The following PPFIA2 variants were observed in gnomAD, a reference collection of about 807,000 sequenced individuals.
PPFIA2 encodes liprin-alpha-2.
PPFIA2 carries 46 observed loss-of-function variants against 175.5 expected under a neutral mutation model. The ratio of observed to expected loss-of-function variants is 0.26; its 90% CI spans 0.21 to 0.34. The LOEUF (loss-of-function observed/expected upper bound fraction) is 0.34. Ranked by LOEUF, PPFIA2 falls within the 10% of genes least tolerant of loss-of-function variation. PPFIA2 has a pLI of 1.00. For missense variants in PPFIA2, 1,179 were observed against 1,506.1 expected (o/e 0.78, Z 3.60); for synonymous variants, 568 against 511.4 (o/e 1.11, Z -1.49).
intron 7 of PPFIA2, among the ~76,000 whole-genome samples, chr12:81,420,902 G>A (rs1468869118): frequency 6.6e-6 from 1 of 151,490 alleles, no homozygotes; most frequent in Non-Finnish European, 1.5e-5. Flanking sequence ...AGGACAAAGA[G>A]ATTAGAAAGC....
chr12:81,740,199 T>C (rs927296496), intron 3 of PPFIA2, among the ~76,000 whole-genome samples: 13 of 152,162 alleles, frequency 8.5e-5, no homozygotes, highest in African/African-American at 1.4e-4. Flanking sequence ...TGAGAGAAAA[T>C]AGTAGAGCCT....
intron 30 of PPFIA2, among the ~76,000 whole-genome samples, chr12:81,265,870 T>C (rs1418484581): frequency 6.6e-6 from 1 of 152,206 alleles, no homozygotes; most frequent in East Asian, 1.9e-4. Context: ...TATTTTAAGA[T>C]GTATGAGTTT....
At chr12:81,663,248 T>C (rs1178632405) in intron 4 of PPFIA2, among the ~76,000 whole-genome samples, 1 of 152,138 alleles carries the variant, frequency 6.6e-6, no homozygotes, top group South Asian at 2.1e-4. Context: ...GAAGTCAAAT[T>C]GTCCCTGTTT....
In PPFIA2 at chr12:81,731,921, A is replaced by G. The variant is rs1596984094; in HGVS notation, c.249+22052T>C. On this transcript the variant is annotated intron_variant, in intron 3 of 32. Coordinates refer to ENST00000549396, the MANE Select transcript of PPFIA2 (RefSeq NM_003625.5). ...AATTCTGGTTCTGATTCTAGTCACT[A>G]AAGAGTCAGCAGTGCAGGGGTGGGT... Among the ~76,000 whole-genome samples the G allele has an allele frequency of 2.0e-5, 3 of 151,598 alleles. 1 individual carries two copies. The highest frequency in any genetic ancestry group is 1.9e-4 in the East Asian group (1 of 5,142).
intron 4 of PPFIA2, among the ~76,000 whole-genome samples, chr12:81,645,380 T>C (rs2065921957): frequency 6.6e-6 from 1 of 152,176 alleles, no homozygotes; most frequent in Admixed American, 6.5e-5. Context: ...ATGTTCAATA[T>C]TTTACATGAT....
chr12:81,465,691 TC>T (rs1315710451), intron 4 of PPFIA2, among the ~76,000 whole-genome samples: 1 of 152,072 alleles, frequency 6.6e-6, no homozygotes, highest in Non-Finnish European at 1.5e-5. Flanking sequence ...TGTATGTTTT[TC>T]CCCAAACCAC....
intron 4 of PPFIA2, among the ~76,000 whole-genome samples, chr12:81,496,181 T>A (rs899427859): frequency 1.3e-5 from 2 of 152,146 alleles, no homozygotes; most frequent in Admixed American, 1.3e-4. Context: ...TTGAAGGAGA[T>A]AAGCATTTTA....
chr12:81,695,704 C>T (rs953923628), intron 3 of PPFIA2, among the ~76,000 whole-genome samples: 3 of 152,166 alleles, frequency 2.0e-5, no homozygotes, highest in African/African-American at 7.2e-5. Context: ...TTCAGCCTTA[C>T]TCTGTTCAGA....
intron 4 of PPFIA2, among the ~76,000 whole-genome samples, chr12:81,655,294 T>A (rs1427256013): frequency 6.6e-6 from 1 of 151,834 alleles, no homozygotes; most frequent in East Asian, 1.9e-4. Context: ...CAATATATTT[T>A]ATTAATTTCT....
At chr12:81,632,796 TG>T (rs1479415478) in intron 4 of PPFIA2, among the ~76,000 whole-genome samples, 15 of 152,054 alleles carry the variant, frequency 9.9e-5, no homozygotes, top group Admixed American at 9.8e-4. Context: ...CCGTTTTAAC[TG>T]GCAAAAGCAA....
chr12:81,386,765 A>T (rs1250702828), intron 8 of PPFIA2, among the ~76,000 whole-genome samples: 4 of 152,170 alleles, frequency 2.6e-5, no homozygotes, highest in Admixed American at 2.6e-4. Context: ...AGAAACAAAA[A>T]GTATGGAGAG....
chr12:81,340,179 T>A (rs558295275), intron 20 of PPFIA2, among the ~76,000 whole-genome samples: 1 of 151,738 alleles, frequency 6.6e-6, no homozygotes, highest in Admixed American at 6.6e-5. Flanking sequence ...TTTTGGAGAG[T>A]GAAAGAAGTA....
At chr12:81,367,376 T>C (rs971576343) in intron 13 of PPFIA2, among the ~76,000 whole-genome samples, 4 of 151,644 alleles carry the variant, frequency 2.6e-5, no homozygotes, top group Non-Finnish European at 5.9e-5. Context: ...AAATGGGAAA[T>C]GCTATTTTGT....
intron 4 of PPFIA2, among the ~76,000 whole-genome samples, chr12:81,661,000 G>A (rs4511359): frequency 2.0e-4 from 31 of 152,000 alleles, no homozygotes; most frequent in African/African-American, 7.2e-4. Context: ...CAAATGCTGA[G>A]AGATTTTGTC....
At chr12:81,704,422 A>G (rs768836360) in intron 3 of PPFIA2, among the ~76,000 whole-genome samples, 1 of 152,172 alleles carries the variant, frequency 6.6e-6, no homozygotes, top group Non-Finnish European at 1.5e-5. Context: ...TAGAGGAGCT[A>G]AGGTATAAAC....
chr12:81,569,640 TAAAC>T (rs2072090798), intron 4 of PPFIA2, among the ~76,000 whole-genome samples: 1 of 152,100 alleles, frequency 6.6e-6, no homozygotes, highest in Admixed American at 6.5e-5. Context: ...CACCAAATAA[TAAAC>T]AAAATTAGAA....
At chr12:81,395,657 C>G (rs901109660) in intron 8 of PPFIA2, among the ~76,000 whole-genome samples, 7 of 151,982 alleles carry the variant, frequency 4.6e-5, no homozygotes, top group African/African-American at 1.7e-4. Flanking sequence ...GTCAGATTAA[C>G]CACTAGAGAA....
chr12:81,269,773 G>T (rs890713222), intron 28 of PPFIA2, among the ~76,000 whole-genome samples: 1 of 151,964 alleles, frequency 6.6e-6, no homozygotes, highest in African/African-American at 2.4e-5. Context: ...ATTTATCTAC[G>T]CTTTAGCAAA....
intron 7 of PPFIA2, among the ~76,000 whole-genome samples, chr12:81,432,052 T>C (rs2048187516): frequency 6.6e-6 from 1 of 152,178 alleles, no homozygotes. Context: ...ACTTTTATAT[T>C]CACATTAGTC....
Sources: gnomAD v4.1 joint callset for allele counts (sites outside exome capture counted in the v4.1 genomes callset) on GRCh38, gnomAD v4.1.1 for gene constraint, MANE v1.5 for transcripts, NCBI Gene and HGNC (gene_info 2026-07-23, HGNC 2026-07-21) for gene names.